Variants in KHDRBS2 observed in about 807,000 individuals in gnomAD.
The protein encoded by KHDRBS2 is KH RNA binding domain containing, signal transduction associated 2.
KHDRBS2 carries 26 observed loss-of-function variants against 44.3 expected under a neutral mutation model. The observed-to-expected ratio is 0.59, with a 90% CI of 0.43 to 0.81. The LOEUF is 0.81. Ranked by LOEUF, KHDRBS2 falls within the 40% of genes least tolerant of loss-of-function variation. The probability of loss-of-function intolerance (pLI) is 0.00; values close to 1 mark genes in which losing one functional copy is unlikely to be tolerated. For synonymous variants in KHDRBS2, 194 were observed against 151.1 expected, an observed-to-expected ratio of 1.28 and a Z score of -2.08; for missense variants, 476 against 433.1, an observed-to-expected ratio of 1.10 and a Z score of -0.88.
chr6:62,076,277 A>T lies in KHDRBS2; in HGVS notation c.220-28283T>A, dbSNP rs181082343. On this transcript the variant is annotated intron_variant, in intron 2 of 8. Transcript: ENST00000281156. Reference sequence around the variant, plus strand: ...TGTGCCAGCAAATGTGCTATTGTGGATTACACAAAAGGAGAACTCATCTCA... The same window carrying T: ...TGTGCCAGCAAATGTGCTATTGTGGTTTACACAAAAGGAGAACTCATCTCA... Among the ~76,000 whole-genome samples the T allele has an allele frequency of 8.5e-5, 13 of 152,136 alleles. No individual in the cohort carries two copies. In the East Asian group the frequency reaches 2.5e-3, roughly 30 times the overall value.
intron 1 of KHDRBS2, among the ~76,000 whole-genome samples, chr6:62,284,090 T>C (rs1336406267): frequency 6.6e-6 from 1 of 152,166 alleles, no homozygotes; most frequent in African/African-American, 2.4e-5. Flanking sequence ...ATCAAGTTCC[T>C]AGGAAAGATA....
intron 2 of KHDRBS2, among the ~76,000 whole-genome samples, chr6:62,161,222 T>G (rs1050208523): frequency 6.6e-6 from 1 of 152,036 alleles, no homozygotes; most frequent in Non-Finnish European, 1.5e-5. Context: ...GAATCACTTT[T>G]AAAAATCTAT....
chr6:62,286,166 T>A lies in KHDRBS2; in HGVS notation c.-218A>T. 1.8e-6 allele frequency: 1 copy of A among 548,936 alleles called. No individual in the cohort carries two copies. The highest frequency in any genetic ancestry group is 3.6e-5 in the Admixed American group (1 of 27,492). The allele number at this position is 548,936 out of a possible 1,614,324, so 34.0% of individuals were successfully genotyped here. On this transcript the variant is annotated 5_prime_UTR_variant, in exon 1 of 9. Coordinates refer to ENST00000281156, the MANE Select transcript of KHDRBS2 (RefSeq NM_152688.4). The stretch of plus-strand genomic sequence containing the variant: ...ACCTGCCCGTCCCTTCCGTCGTCCC[T>A]CGCTCGCGCAGAGCCCCGGCTCACA...
At chr6:61,767,819 T>A (rs1780228754) in intron 6 of KHDRBS2, among the ~76,000 whole-genome samples, 2 of 152,290 alleles carry the variant, frequency 1.3e-5, no homozygotes, top group East Asian at 3.9e-4. Flanking sequence ...TCCATTTATA[T>A]CTTATTGTAC....
At chr6:61,762,586 C>T (rs1779434947) in intron 6 of KHDRBS2, among the ~76,000 whole-genome samples, 1 of 152,196 alleles carries the variant, frequency 6.6e-6, no homozygotes, top group African/African-American at 2.4e-5. Flanking sequence ...CATCTCTGCA[C>T]ATGCTGGCTA....
intron 2 of KHDRBS2, among the ~76,000 whole-genome samples, chr6:62,059,198 G>GTTTTT (rs398001756): frequency 0.042 from 1,040 of 24,826 alleles, 407 homozygotes; most frequent in Non-Finnish European, 0.063. Flanking sequence ...AAGTTAGGAA[G>GTTTTT]TTTTTTTTTT....
chr6:62,219,457 C>T (rs1830526018), intron 1 of KHDRBS2, among the ~76,000 whole-genome samples: 1 of 151,408 alleles, frequency 6.6e-6, no homozygotes, highest in Non-Finnish European at 1.5e-5. Flanking sequence ...CTAAAAATGA[C>T]AAACAAAAAC....
chr6:61,999,933 T>C (rs1777912206), intron 3 of KHDRBS2, among the ~76,000 whole-genome samples: 1 of 152,142 alleles, frequency 6.6e-6, no homozygotes, highest in Non-Finnish European at 1.5e-5. Flanking sequence ...CAGTACACAT[T>C]AAAGTTATTT....
At chr6:61,764,925 T>G (rs1188167358) in intron 6 of KHDRBS2, among the ~76,000 whole-genome samples, 1 of 150,942 alleles carries the variant, frequency 6.6e-6, no homozygotes, top group Non-Finnish European at 1.5e-5. Flanking sequence ...AGGTGTGCAT[T>G]GTTGTACTTT....
At position 61,897,711 on chromosome 6, in the gene KHDRBS2, G is replaced by GTCTCTC. The variant is rs113407645; in HGVS notation, c.612-2884_612-2879dup. Among the ~76,000 whole-genome samples the GTCTCTC allele has an allele frequency of 1.5e-3, 230 of 148,568 alleles. 6 individuals are homozygous for GTCTCTC. In the South Asian group the frequency reaches 0.044, roughly 29 times the overall value. On this transcript the variant is annotated intron_variant, in intron 5 of 8. Transcript: ENST00000281156. ...GCCATAAGACGGTTTCTCTGTCTCT[G>GTCTCTC]TCTCTCTCTCTCTCTCTCTCTCTCA... is the stretch of plus-strand genomic sequence containing the variant.
chr6:61,572,893 C>T, the KHDRBS2 span, among the ~76,000 whole-genome samples: 1 of 152,104 alleles, frequency 6.6e-6, no homozygotes, highest in Non-Finnish European at 1.5e-5. Context: ...AAAGCATTCC[C>T]CTTGAAAACT....
intron 7 of KHDRBS2, among the ~76,000 whole-genome samples, chr6:61,732,480 C>A (rs542698849): frequency 6.6e-6 from 1 of 152,116 alleles, no homozygotes; most frequent in East Asian, 1.9e-4. Flanking sequence ...TAGAATGACA[C>A]ACTACTATTT....
chr6:62,115,586 A>T (rs1301667077), intron 2 of KHDRBS2, among the ~76,000 whole-genome samples: 5 of 152,168 alleles, frequency 3.3e-5, no homozygotes. Context: ...AGGGGGAAAT[A>T]TCTGTTTATG....
chr6:61,554,475 C>T, the KHDRBS2 span, among the ~76,000 whole-genome samples: 3 of 152,020 alleles, frequency 2.0e-5, no homozygotes, highest in African/African-American at 7.2e-5. Flanking sequence ...TCAATCTACA[C>T]CTTTCAATTT....
chr6:62,020,581 GCACTTTTGA>G (rs70993193), intron 3 of KHDRBS2, among the ~76,000 whole-genome samples: 92,597 of 151,116 alleles, frequency 0.61, 28,517 homozygotes, highest in Non-Finnish European at 0.62. Flanking sequence ...ATTTATTAAT[GCACTTTTGA>G]CAGTTTTTGC....
intron 2 of KHDRBS2, among the ~76,000 whole-genome samples, chr6:62,114,224 T>C (rs1380822198): frequency 6.6e-6 from 1 of 152,092 alleles, no homozygotes. Context: ...CCAAACCATA[T>C]CAATTCCTAT....
At chr6:62,105,897 T>A (rs2127378145) in intron 2 of KHDRBS2, among the ~76,000 whole-genome samples, 1 of 152,332 alleles carries the variant, frequency 6.6e-6, no homozygotes, top group Non-Finnish European at 1.5e-5. Flanking sequence ...TCTTTCCTGC[T>A]TTCTCTTGTG....
intron 1 of KHDRBS2, among the ~76,000 whole-genome samples, chr6:62,200,656 C>G (rs1387994672): frequency 2.6e-5 from 4 of 152,156 alleles, no homozygotes; most frequent in Non-Finnish European, 5.9e-5. Context: ...ACTAGTTCAA[C>G]CATTGTGGAA....
chr6:61,907,493 AT>A (rs1805249206), intron 4 of KHDRBS2, among the ~76,000 whole-genome samples: 1 of 152,138 alleles, frequency 6.6e-6, no homozygotes, highest in Admixed American at 6.5e-5. Flanking sequence ...AACTGATGTC[AT>A]AGACAGTTTC....
Sources: gnomAD v4.1 joint callset for allele counts (sites outside exome capture counted in the v4.1 genomes callset) on GRCh38, gnomAD v4.1.1 for gene constraint, MANE v1.5 for transcripts, NCBI Gene and HGNC (gene_info 2026-07-23, HGNC 2026-07-21) for gene names.